Variants in CTNNA2 observed in about 807,000 individuals in gnomAD.
CTNNA2 encodes the protein catenin alpha 2.
Under a neutral mutation model 101.0 loss-of-function variants are expected in CTNNA2, and 42 were observed. That is an observed-to-expected ratio of 0.42 (90% CI 0.32 to 0.54). CTNNA2 has a LOEUF of 0.54. CTNNA2 is among the 20% of genes least tolerant of loss of function. The pLI is 0.14. For missense variants in CTNNA2, 871 were observed against 1,223.1 expected (o/e 0.71, Z 4.29); for synonymous variants, 450 against 456.4 (o/e 0.99, Z 0.18).
chr2:79,586,527 CT>C (rs10629514), intron 1 of CTNNA2, among the ~76,000 whole-genome samples: 3 of 147,966 alleles, frequency 2.0e-5, no homozygotes, highest in Admixed American at 1.3e-4. Context: ...CTTTTCTTTT[CT>C]TTTTTTTTAG....
intron 7 of CTNNA2, among the ~76,000 whole-genome samples, chr2:80,031,562 C>T (rs946828183): frequency 6.6e-6 from 1 of 152,174 alleles, no homozygotes; most frequent in Non-Finnish European, 1.5e-5. Context: ...ATTCAGTTAC[C>T]TCCCAGTGGC....
chr2:80,086,469 T>C (rs1195020996), intron 7 of CTNNA2, among the ~76,000 whole-genome samples: 1 of 152,094 alleles, frequency 6.6e-6, no homozygotes, highest in Non-Finnish European at 1.5e-5. Flanking sequence ...CCAGAAATTC[T>C]TGGTCAGAGA....
chr2:79,373,553 C>A (rs1427096291), intron 3 of CTNNA2, among the ~76,000 whole-genome samples: 3 of 152,110 alleles, frequency 2.0e-5, no homozygotes, highest in Non-Finnish European at 4.4e-5. Flanking sequence ...GGGCAAAGAA[C>A]TGCAGAAGGG....
chr2:79,850,870 A>G (rs1413748678), intron 3 of CTNNA2, among the ~76,000 whole-genome samples: 3 of 152,232 alleles, frequency 2.0e-5, no homozygotes, highest in African/African-American at 7.2e-5. Flanking sequence ...ATTATAGATG[A>G]AAGAGTTACA....
chr2:79,367,108 A>G (rs1235475388), intron 3 of CTNNA2, among the ~76,000 whole-genome samples: 1 of 152,110 alleles, frequency 6.6e-6, no homozygotes, highest in East Asian at 1.9e-4. Context: ...AGGGCTTATA[A>G]GAAGAGGAAG....
chr2:79,792,668 G>A (rs1675376795), intron 3 of CTNNA2, among the ~76,000 whole-genome samples: 1 of 152,024 alleles, frequency 6.6e-6, no homozygotes, highest in African/African-American at 2.4e-5. Flanking sequence ...CAGACTTTAG[G>A]ATCACAATTA....
intron 7 of CTNNA2, among the ~76,000 whole-genome samples, chr2:80,136,031 A>G (rs995350873): frequency 5.9e-5 from 9 of 152,310 alleles, no homozygotes; most frequent in African/African-American, 2.2e-4. Flanking sequence ...AGTGTGAGAT[A>G]CTAAGTAGGT....
At chr2:80,617,751 G>T (rs893404425) in intron 17 of CTNNA2, among the ~76,000 whole-genome samples, 26 of 151,836 alleles carry the variant, frequency 1.7e-4, no homozygotes, top group African/African-American at 5.8e-4. Context: ...TGCAATTATT[G>T]TAATACACTT....
intron 1 of CTNNA2, among the ~76,000 whole-genome samples, chr2:79,580,898 A>G (rs17017289): frequency 0.014 from 2,161 of 152,232 alleles, 49 homozygotes; most frequent in African/African-American, 0.049. Flanking sequence ...TCAAGTCAAA[A>G]TTCATTTATA....
chr2:79,835,796 C>T (rs1158170769), intron 3 of CTNNA2, among the ~76,000 whole-genome samples: 2 of 140,054 alleles, frequency 1.4e-5, no homozygotes, highest in Non-Finnish European at 3.0e-5. Context: ...CCATACCCAG[C>T]TAATTTTTGT....
Position 79,659,435 on chromosome 2 carries a change from C to T in CTNNA2, c.102+7777C>T, listed in dbSNP as rs907950301. 7.2e-5 allele frequency among the ~76,000 whole-genome samples: 11 copies of T among 152,022 alleles called. No individual in the cohort carries two copies. In the East Asian group the frequency reaches 2.1e-3, roughly 29 times the overall value. ...TACATTTGGGTGGTTTCTATGGTGGCACTACAGTGTTACCATAAGTTGTGC... is the reference window on the plus strand; with the variant it reads ...TACATTTGGGTGGTTTCTATGGTGGTACTACAGTGTTACCATAAGTTGTGC... On this transcript the variant is annotated intron_variant, in intron 2 of 18. Transcript: ENST00000402739.
intron 6 of CTNNA2, among the ~76,000 whole-genome samples, chr2:79,881,179 C>CTGTT: frequency 6.6e-6 from 1 of 151,782 alleles, no homozygotes; most frequent in Non-Finnish European, 1.5e-5. Flanking sequence ...GTCTGAGAGA[C>CTGTT]TGTTATGGTT....
intron 3 of CTNNA2, among the ~76,000 whole-genome samples, chr2:79,822,559 C>A (rs1405735477): frequency 6.6e-6 from 1 of 152,092 alleles, no homozygotes; most frequent in Non-Finnish European, 1.5e-5. Context: ...CCTCTGATTT[C>A]TAGTCTGCAC....
chr2:79,814,106 C>T (rs1035937166), intron 3 of CTNNA2, among the ~76,000 whole-genome samples: 4 of 152,154 alleles, frequency 2.6e-5, no homozygotes, highest in Admixed American at 6.5e-5. Context: ...ACTAGGGGAC[C>T]ACCCTAACCT....
intron 1 of CTNNA2, among the ~76,000 whole-genome samples, chr2:79,187,277 T>TTC: frequency 7.3e-6 from 1 of 136,432 alleles, no homozygotes; most frequent in African/African-American, 2.8e-5. Context: ...TTTCTTTTTT[T>TTC]TTTTTTTTTT....
At chr2:79,819,584 C>G (rs919102208) in intron 3 of CTNNA2, among the ~76,000 whole-genome samples, 1 of 151,960 alleles carries the variant, frequency 6.6e-6, no homozygotes, top group African/African-American at 2.4e-5. Flanking sequence ...ATAAGAAATT[C>G]AAATGGTGGA....
intron 2 of CTNNA2, among the ~76,000 whole-genome samples, chr2:79,659,059 C>T (rs1324655761): frequency 2.6e-5 from 4 of 151,878 alleles, no homozygotes; most frequent in Non-Finnish European, 5.9e-5. Flanking sequence ...AGTAAATTTT[C>T]TGTGAGTCAC....
At chr2:79,327,570 A>C (rs971217516) in intron 3 of CTNNA2, among the ~76,000 whole-genome samples, 3 of 152,214 alleles carry the variant, frequency 2.0e-5, no homozygotes, top group Non-Finnish European at 4.4e-5. Flanking sequence ...GGTCATAACA[A>C]AGGATTCTGC....
chr2:80,398,590 C>T (rs1678256067), intron 8 of CTNNA2, among the ~76,000 whole-genome samples: 1 of 151,490 alleles, frequency 6.6e-6, no homozygotes, highest in Non-Finnish European at 1.5e-5. Context: ...CATGGTGGCT[C>T]ATGCCTGTAA....
Sources: gnomAD v4.1 joint callset for allele counts (sites outside exome capture counted in the v4.1 genomes callset) on GRCh38, gnomAD v4.1.1 for gene constraint, MANE v1.5 for transcripts, NCBI Gene and HGNC (gene_info 2026-07-23, HGNC 2026-07-21) for gene names.